SLIT3: variants seen among roughly 807,000 people sequenced by gnomAD.
The protein encoded by SLIT3 is slit homolog 3 protein.
Under a neutral mutation model 184.0 loss-of-function variants are expected in SLIT3, and 68 were observed. That is an observed-to-expected ratio of 0.37 (90% confidence interval 0.30 to 0.45). The LOEUF (loss-of-function observed/expected upper bound fraction) is 0.45, where lower values mean the gene tolerates loss of function less well. Among genes scored for constraint, SLIT3 ranks in the 20% least tolerant of loss-of-function variants. The probability of loss-of-function intolerance (pLI) is 1.00; values close to 1 mark genes in which losing one functional copy is unlikely to be tolerated. For synonymous variants in SLIT3, 831 were observed against 828.6 expected, an observed-to-expected ratio of 1.00 and a Z score of -0.05; for missense variants, 1,707 against 2,026.0, an observed-to-expected ratio of 0.84 and a Z score of 3.02.
chr5:168,768,358 G>A (rs1755420180), intron 14 of SLIT3: 1 of 457,794 alleles, frequency 2.2e-6, no homozygotes, highest in Non-Finnish European at 4.4e-6. Flanking sequence ...AGCGTGATTA[G>A]TATCAGGAGT....
At chr5:169,026,114 C>A (rs1340693396) in intron 4 of SLIT3, among the ~76,000 whole-genome samples, 1 of 152,162 alleles carries the variant, frequency 6.6e-6, no homozygotes, top group African/African-American at 2.4e-5. Flanking sequence ...CTCTTAAGCT[C>A]CTGGGTGTGG....
chr5:168,710,608 G>GA (rs112134323), intron 25 of SLIT3, among the ~76,000 whole-genome samples: 24,242 of 138,738 alleles, frequency 0.17, 2,311 homozygotes, highest in Non-Finnish European at 0.23. Context: ...TACAAAAGAT[G>GA]AAAAAAAAAA....
At chr5:169,153,655 C>T (rs1762200192) in intron 4 of SLIT3, among the ~76,000 whole-genome samples, 1 of 152,236 alleles carries the variant, frequency 6.6e-6, no homozygotes, top group African/African-American at 2.4e-5. Context: ...AAGGGCTTGT[C>T]CTAAATCAGC....
intron 5 of SLIT3, among the ~76,000 whole-genome samples, chr5:168,862,708 CTT>C (rs987285946): frequency 4.0e-5 from 6 of 150,520 alleles, no homozygotes; most frequent in Admixed American, 6.6e-5. Context: ...GAGTTTTGCT[CTT>C]GTCGCCCAGG....
chr5:168,688,103 G>C (rs1761801539), intron 29 of SLIT3, among the ~76,000 whole-genome samples: 1 of 152,204 alleles, frequency 6.6e-6, no homozygotes, highest in Admixed American at 6.5e-5. Flanking sequence ...TCCCAGCATA[G>C]AAACACACCT....
At chr5:169,213,663 A>C (rs1009399924) in intron 3 of SLIT3, among the ~76,000 whole-genome samples, 3 of 152,158 alleles carry the variant, frequency 2.0e-5, no homozygotes, top group African/African-American at 7.2e-5. Context: ...AATTTTTTCC[A>C]AGTGATGATC....
chr5:169,256,890 G>C (rs1471582515), intron 1 of SLIT3, among the ~76,000 whole-genome samples: 2 of 152,116 alleles, frequency 1.3e-5, no homozygotes, highest in African/African-American at 2.4e-5. Flanking sequence ...CTCCCTCCAA[G>C]TAGGGCTTAG....
At chr5:168,684,399 C>T (rs1309096930) in intron 31 of SLIT3, among the ~76,000 whole-genome samples, 1 of 152,256 alleles carries the variant, frequency 6.6e-6, no homozygotes, top group African/African-American at 2.4e-5. Context: ...CCCTCTCCCT[C>T]TGGTGCATAA....
At chr5:169,114,203 C>T (rs1377333832) in intron 4 of SLIT3, among the ~76,000 whole-genome samples, 1 of 152,170 alleles carries the variant, frequency 6.6e-6, no homozygotes, top group East Asian at 1.9e-4. Context: ...TCCTTTATGC[C>T]TTCTCTTTTT....
chr5:168,683,907 C>T, intron 32 of SLIT3, 59 bp downstream of exon 32: 1 of 1,380,662 alleles, frequency 7.2e-7, no homozygotes, highest in East Asian at 2.7e-5. Flanking sequence ...AGTTGCAGGC[C>T]CAGAGGCAGA....
At chr5:169,032,661 AT>A (rs746847776) in intron 4 of SLIT3, among the ~76,000 whole-genome samples, 2,230 of 133,386 alleles carry the variant, frequency 0.017, 99 homozygotes, top group East Asian at 0.11. Flanking sequence ...TCTGCTAGTT[AT>A]TTTTTTTTTT....
intron 8 of SLIT3, among the ~76,000 whole-genome samples, chr5:168,808,971 G>T (rs926639665): frequency 1.3e-5 from 2 of 152,206 alleles, no homozygotes; most frequent in Non-Finnish European, 2.9e-5. Flanking sequence ...GGAAATGTCA[G>T]GAATGGGAGT....
chr5:169,025,872 T>A (rs556920749), intron 4 of SLIT3, among the ~76,000 whole-genome samples: 1 of 152,338 alleles, frequency 6.6e-6, no homozygotes, highest in South Asian at 2.1e-4. Context: ...TATCTGTTAC[T>A]ACCAGCCTGA....
At chr5:168,728,428 C>T (rs1763201742) in intron 20 of SLIT3, among the ~76,000 whole-genome samples, 1 of 151,928 alleles carries the variant, frequency 6.6e-6, no homozygotes, top group South Asian at 2.1e-4. Flanking sequence ...TATGATGCTA[C>T]CAAAGGACCA....
intron 4 of SLIT3, among the ~76,000 whole-genome samples, chr5:168,907,990 AG>A (rs1322326686): frequency 2.1e-5 from 3 of 140,978 alleles, no homozygotes; most frequent in Admixed American, 7.2e-5. Flanking sequence ...AGAGAGAGAG[AG>A]AGAGAGAGAG....
chr5:168,838,374 A>G (rs535751896), intron 6 of SLIT3, among the ~76,000 whole-genome samples: 1 of 152,234 alleles, frequency 6.6e-6, no homozygotes, highest in South Asian at 2.1e-4. Context: ...CATTCTACTG[A>G]CTTATCACAG....
intron 3 of SLIT3, among the ~76,000 whole-genome samples, chr5:169,196,979 T>C (rs1007925516): frequency 6.6e-6 from 1 of 152,032 alleles, no homozygotes; most frequent in Non-Finnish European, 1.5e-5. Flanking sequence ...GAACCAACAC[T>C]CCATTCCAGG....
intron 16 of SLIT3, among the ~76,000 whole-genome samples, chr5:168,755,560 G>A (rs143603073): frequency 0.031 from 4,636 of 151,498 alleles, 256 homozygotes; most frequent in African/African-American, 0.11. Flanking sequence ...TCAGCCTCCC[G>A]AGTAGCTGGG....
rs145506118 is a variant in SLIT3 at position 168,670,800 on chromosome 5, T to C, written c.4127+398A>G. ...GTAGTAGGACCTCAGTAAATCTTTG[T>C]TGAATGAGTAGTTGCTTAAACTATT... is the stretch of plus-strand genomic sequence containing the variant. On this transcript the variant is annotated intron_variant, in intron 34 of 35. Transcript: ENST00000519560. 2.3e-3 allele frequency among the ~76,000 whole-genome samples: 356 copies of C among 152,286 alleles called. 2 individuals are homozygous for C. Among genetic ancestry groups the C allele is most frequent in the African/African-American group, 8.0e-3 (331 of 41,518 alleles).
Sources: allele counts gnomAD v4.1 joint callset (sites outside exome capture counted in the v4.1 genomes callset), GRCh38; gene constraint gnomAD v4.1.1; transcripts MANE v1.5; gene names NCBI Gene and HGNC (gene_info 2026-07-23, HGNC 2026-07-21).